The following NOP9 variants were observed in gnomAD, a reference collection of about 807,000 sequenced individuals.
NOP9 encodes nucleolar protein 9.
Under a neutral mutation model 63.0 loss-of-function variants are expected in NOP9, and 50 were observed. That is an observed-to-expected ratio of 0.79 (90% CI 0.63 to 1.00). The LOEUF (loss-of-function observed/expected upper bound fraction) is 1.00, where lower values mean the gene tolerates loss of function less well. Among genes scored for constraint, NOP9 ranks in the 50% least tolerant of loss-of-function variants. The pLI is 0.00. For missense variants in NOP9, 758 were observed against 803.0 expected, an observed-to-expected ratio of 0.94 and a Z score of 0.68; for synonymous variants, 343 against 332.8, an observed-to-expected ratio of 1.03 and a Z score of -0.33.
At chr14:24,273,984 T>G in the NOP9 span, among the ~76,000 whole-genome samples, 1 of 152,218 alleles carries the variant, frequency 6.6e-6, no homozygotes, top group Non-Finnish European at 1.5e-5. Context: ...TAGAATAGTG[T>G]CTGTACTAAG....
chr14:24,276,758 G>T, the NOP9 span, among the ~76,000 whole-genome samples: 1 of 152,250 alleles, frequency 6.6e-6, no homozygotes, highest in Non-Finnish European at 1.5e-5. Context: ...TCTGGTGATT[G>T]TAACGGTTTA....
In NOP9 at chr14:24,305,447, T is replaced by G; in HGVS notation, c.*352T>G. 1 of 693,070 alleles carries G rather than the reference T, an allele frequency of 1.4e-6. No homozygotes were observed. Among genetic ancestry groups the G allele is most frequent in the South Asian group, 2.3e-5 (1 of 44,414 alleles). 42.9% of individuals were successfully genotyped at this position (693,070 alleles called of 1,614,324 possible). A position where few individuals can be genotyped will look rare whatever the true frequency, so the allele number is the denominator to read the frequency against. ...CTAGGAAAGAACAGCATTCTTCAGG[T>G]AAGGGTATAGACTTGGGATGTGAGG... On this transcript the variant is annotated 3_prime_UTR_variant, in exon 10 of 10. Transcript: ENST00000267425.
Position 24,308,282 on chromosome 14 carries a change from C to G in NOP9, c.*3187C>G, listed in dbSNP as rs2041584051. 1 of 239,428 alleles carries G rather than the reference C, an allele frequency of 4.2e-6. No individual in the cohort carries two copies. The allele number at this position is 239,428 out of a possible 1,614,324, so 14.8% of individuals were successfully genotyped here. A position where few individuals can be genotyped will look rare whatever the true frequency, so the allele number is the denominator to read the frequency against. On this transcript the variant is annotated 3_prime_UTR_variant, in exon 10 of 10. Coordinates refer to ENST00000267425, the MANE Select transcript of NOP9 (RefSeq NM_174913.3). Reference sequence around the variant, plus strand: ...GTGGCTCTGTGTGTGCTGCCACCTACTGGAGAAGCCATAAGCTGCAGCTTT... The same window carrying G: ...GTGGCTCTGTGTGTGCTGCCACCTAGTGGAGAAGCCATAAGCTGCAGCTTT...
chr14:24,300,883 C>T (rs1262819644), intron 2 of NOP9, 26 bp downstream of exon 2: 10 of 1,556,278 alleles, frequency 6.4e-6, no homozygotes, highest in Non-Finnish European at 8.8e-6. Context: ...GGAAAGTGGA[C>T]CTAGGGGGAA....
chr14:24,274,906 CT>C, the NOP9 span, among the ~76,000 whole-genome samples: 13,283 of 83,546 alleles, frequency 0.16, 733 homozygotes, highest in Admixed American at 0.26. Flanking sequence ...CCATGTCCGG[CT>C]TTTTTTTTTT....
chr14:24,286,313 C>T, the NOP9 span, among the ~76,000 whole-genome samples: 1 of 152,246 alleles, frequency 6.6e-6, no homozygotes, highest in Admixed American at 6.5e-5. Context: ...TCTGCTCACA[C>T]CTTCACTGCA....
Position 24,299,861 on chromosome 14 carries a change from TA to T in NOP9, c.-91del. 1 of 1,442,732 alleles carries T rather than the reference TA, an allele frequency of 6.9e-7. No homozygotes were observed. The highest frequency in any genetic ancestry group is 9.1e-7 in the Non-Finnish European group (1 of 1,096,022). The allele number at this position is 1,442,732 out of a possible 1,614,324, so 89.4% of individuals were successfully genotyped here. On this transcript the variant is annotated 5_prime_UTR_variant, in exon 1 of 10. Coordinates refer to ENST00000267425, the MANE Select transcript of NOP9 (RefSeq NM_174913.3). Reference sequence around the variant, plus strand: ...TGCGTCAGGAGCGCGCCCGCGTTTCTAAACTTTGTCTGGATAAGGCGCACGC... The same window carrying T: ...TGCGTCAGGAGCGCGCCCGCGTTTCTAACTTTGTCTGGATAAGGCGCACGC...
rs2041524364 is a variant in NOP9, at chr14:24,306,804, G to A, written c.*1709G>A. The A allele has an allele frequency of 2.1e-6, 1 of 474,718 alleles. No homozygotes were observed. Among genetic ancestry groups the A allele is most frequent in the Non-Finnish European group, 3.9e-6 (1 of 259,538 alleles). The allele number at this position is 474,718 out of a possible 1,614,324, so 29.4% of individuals were successfully genotyped here. On this transcript the variant is annotated 3_prime_UTR_variant, in exon 10 of 10. Transcript: ENST00000267425. ...TGGTTTGGAATTGGAAAGCAAGCCA[G>A]GTTCTCACGAAGTCCACCCTTCTGT...
At chr14:24,296,591 G>A (rs2041251945), upstream of NOP9, 2 of 1,614,150 alleles carry the variant, frequency 1.2e-6, no homozygotes, top group Non-Finnish European at 1.7e-6. Context: ...AGGATCGTCT[G>A]GAAGGCACAG....
At chr14:24,286,348 G>T in the NOP9 span, among the ~76,000 whole-genome samples, 1 of 152,134 alleles carries the variant, frequency 6.6e-6, no homozygotes, top group Non-Finnish European at 1.5e-5. Context: ...TACTGATAGC[G>T]GGCCAGCCTT....
chr14:24,271,561 G>A, the NOP9 span: 5 of 159,496 alleles, frequency 3.1e-5, no homozygotes, highest in Admixed American at 6.5e-5. Context: ...CTAGAGCGGC[G>A]CCACGTCCCG....
chr14:24,300,808 G>T lies in NOP9; in HGVS notation c.648G>T (p.Gly216=). ...VVRTLLQVLG[G]TILESERARP... ...GAACTCTGCTTCAGGTGTTAGGAGG[G>T]ACTATTCTGGAGTCTGAGAGAGCCA... The change falls in exon 2 of 10, where the codon GGG becomes GGT. Residue 216 remains glycine (G), a synonymous_variant. Transcript: ENST00000267425. 1 of 1,614,202 alleles carries T rather than the reference G, an allele frequency of 6.2e-7. No individual in the cohort carries two copies. Among genetic ancestry groups the T allele is most frequent in the Non-Finnish European group, 8.5e-7 (1 of 1,180,032 alleles).
At position 24,303,765 on chromosome 14, in the gene NOP9, G is replaced by A. The variant is rs747993449; in HGVS notation, c.1318G>A (p.Val440Met). Residue 440 changes from valine to methionine, a missense_variant, in exon 7 of 10, where the codon GTG becomes ATG. By Grantham distance (21) the Val-to-Met change is conservative. Coordinates refer to ENST00000267425, the MANE Select transcript of NOP9 (RefSeq NM_174913.3). ...FHCAEPSSRQ[V>M]ACVPLFATLM... ...CTGTGCAGAGCCCTCATCCCGGCAA[G>A]TGGCCTGTGTGCCTCTCTTTGCCAC... is the stretch of plus-strand genomic sequence containing the variant. 6.2e-7 allele frequency: 1 copy of A among 1,614,016 alleles called. No individual in the cohort carries two copies. Among genetic ancestry groups the A allele is most frequent in the African/African-American group, 1.3e-5 (1 of 74,928 alleles).
At chr14:24,299,312 T>G, upstream of NOP9, 2 of 571,782 alleles carry the variant, frequency 3.5e-6, no homozygotes, top group Non-Finnish European at 3.1e-6. Flanking sequence ...GCTGACTGTC[T>G]TTTGGGAGGC....
At chr14:24,271,871 C>T in the NOP9 span, 1 of 152,220 alleles carries the variant, frequency 6.6e-6, no homozygotes, top group Non-Finnish European at 1.5e-5. Context: ...CGACAGCCTT[C>T]TAGATGTCAA....
Position 24,307,473 on chromosome 14 carries a change from C to A in NOP9, c.*2378C>A. On this transcript the variant is annotated 3_prime_UTR_variant, in exon 10 of 10. Coordinates refer to ENST00000267425, the MANE Select transcript of NOP9 (RefSeq NM_174913.3). Reference sequence around the variant, plus strand: ...GTCGCTGGGGTGGTGGAGCTGAGGTCCAGACCCTCCGTCCAAACTCCGAGC... The same window carrying A: ...GTCGCTGGGGTGGTGGAGCTGAGGTACAGACCCTCCGTCCAAACTCCGAGC... 6.2e-7 allele frequency: 1 copy of A among 1,614,052 alleles called. No individual in the cohort carries two copies. The highest frequency in any genetic ancestry group is 1.3e-5 in the African/African-American group (1 of 74,980).
rs1023474273 is a variant in NOP9 at position 24,305,178 on chromosome 14, T to A, written c.*83T>A. The A allele has an allele frequency of 6.3e-6, 8 of 1,277,630 alleles. No individual in the cohort carries two copies. Among genetic ancestry groups the A allele is most frequent in the Non-Finnish European group, 8.2e-6 (8 of 972,810 alleles). The allele number at this position is 1,277,630 out of a possible 1,614,324, so 79.1% of individuals were successfully genotyped here. On this transcript the variant is annotated 3_prime_UTR_variant, in exon 10 of 10. Coordinates refer to ENST00000267425, the MANE Select transcript of NOP9 (RefSeq NM_174913.3). ...ATCCCTTTCCTGGTTTAAATTGGAG[T>A]CAGAAGTCTTAGTGGTAAATATTTG... is the stretch of plus-strand genomic sequence containing the variant.
upstream of NOP9, chr14:24,299,349 G>T: frequency 2.0e-6 from 1 of 503,256 alleles, no homozygotes; most frequent in Non-Finnish European, 3.6e-6. Context: ...GGGCTGAGTG[G>T]GACTGTCCAG....
At chr14:24,302,508 C>G (rs1210307104) in intron 5 of NOP9, 84 bp downstream of exon 5, 1 of 1,326,398 alleles carries the variant, frequency 7.5e-7, no homozygotes, top group African/African-American at 1.5e-5. Flanking sequence ...CCTCTATATA[C>G]CTTTGACATT....
Sources: allele counts gnomAD v4.1 joint callset (sites outside exome capture counted in the v4.1 genomes callset), GRCh38; gene constraint gnomAD v4.1.1; transcripts MANE v1.5; gene names NCBI Gene and HGNC (gene_info 2026-07-23, HGNC 2026-07-21).